DNAH14: variants seen among roughly 807,000 people sequenced by gnomAD.
DNAH14 encodes axonemal beta dynein heavy chain 14.
DNAH14 carries 478 observed loss-of-function variants against 520.9 expected under a neutral mutation model. That is an observed-to-expected ratio of 0.92 (90% confidence interval 0.85 to 0.99). The LOEUF is 0.99. Ranked by LOEUF, DNAH14 falls within the 50% of genes least tolerant of loss-of-function variation. The pLI is 0.00. For missense variants in DNAH14, 4,831 were observed against 5,234.5 expected (o/e 0.92, Z 2.38); for synonymous variants, 1,581 against 1,757.2 (o/e 0.90, Z 2.51).
intron 17 of DNAH14, among the ~76,000 whole-genome samples, chr1:225,066,356 C>G (rs902272768): frequency 1.3e-5 from 2 of 152,078 alleles, no homozygotes; most frequent in Admixed American, 1.3e-4. Context: ...CTATTCATCT[C>G]ATTTTGCTTT....
chr1:225,010,479 C>T (rs2147893088), intron 10 of DNAH14, among the ~76,000 whole-genome samples: 1 of 152,152 alleles, frequency 6.6e-6, no homozygotes, highest in African/African-American at 2.4e-5. Flanking sequence ...TTTTAATGTG[C>T]TGCTGGATTC....
intron 15 of DNAH14, among the ~76,000 whole-genome samples, chr1:225,047,373 G>T (rs757333527): frequency 6.6e-5 from 10 of 152,114 alleles, no homozygotes; most frequent in African/African-American, 9.7e-5. Flanking sequence ...TTCAATCAAT[G>T]ACAGACCACA....
chr1:225,175,944 CAGG>C, intron 36 of DNAH14, among the ~76,000 whole-genome samples: 1 of 152,080 alleles, frequency 6.6e-6, no homozygotes, highest in Non-Finnish European at 1.5e-5. Context: ...TTAGTAGAGA[CAGG>C]GCTTCACTAT....
chr1:225,384,381 G>A (rs1034094392), intron 81 of DNAH14, among the ~76,000 whole-genome samples: 1 of 151,978 alleles, frequency 6.6e-6, no homozygotes, highest in African/African-American at 2.4e-5. Context: ...TAAGAACAGA[G>A]CAGAACTGAA....
chr1:225,301,175 C>G (rs1482520108), intron 56 of DNAH14, 145 bp downstream of exon 56: 2 of 813,200 alleles, frequency 2.5e-6, no homozygotes, highest in Non-Finnish European at 3.7e-6. Flanking sequence ...ACCCTACCTA[C>G]AGACAACACC....
intron 17 of DNAH14, among the ~76,000 whole-genome samples, chr1:225,058,385 G>A (rs560944528): frequency 6.6e-6 from 1 of 152,008 alleles, no homozygotes; most frequent in Non-Finnish European, 1.5e-5. Context: ...TATCCCCTTT[G>A]TCATTTTTTA....
At chr1:225,156,054 A>G (rs1428694910) in intron 34 of DNAH14, among the ~76,000 whole-genome samples, 3 of 151,814 alleles carry the variant, frequency 2.0e-5, no homozygotes. Context: ...CTTTCCTTCT[A>G]TCCCACCCTA....
intron 11 of DNAH14, among the ~76,000 whole-genome samples, chr1:225,037,026 G>T (rs1165338194): frequency 6.6e-6 from 1 of 152,102 alleles, no homozygotes; most frequent in Admixed American, 6.5e-5. Flanking sequence ...TATGTTGTCT[G>T]ATGAAAGTAT....
intron 17 of DNAH14, among the ~76,000 whole-genome samples, chr1:225,058,151 A>G (rs1008415776): frequency 1.3e-5 from 2 of 152,160 alleles, no homozygotes; most frequent in Admixed American, 6.5e-5. Flanking sequence ...CTGTGAAACC[A>G]TCTGGTCCTG....
chr1:225,277,130 A>G (rs2093503777), intron 53 of DNAH14, among the ~76,000 whole-genome samples: 1 of 105,962 alleles, frequency 9.4e-6, no homozygotes, highest in Non-Finnish European at 1.9e-5. Context: ...GGGGACGGGG[A>G]AGGGGGAAGG....
intron 38 of DNAH14, among the ~76,000 whole-genome samples, chr1:225,203,055 G>A (rs1297174223): frequency 2.0e-5 from 3 of 152,166 alleles, no homozygotes; most frequent in African/African-American, 7.2e-5. Context: ...TATTTCGGCT[G>A]TCTCCCCAGT....
chr1:224,966,191 A>C (rs79984312), intron 5 of DNAH14, among the ~76,000 whole-genome samples: 11,198 of 152,104 alleles, frequency 0.074, 512 homozygotes, highest in Non-Finnish European at 0.097. Flanking sequence ...GTTTTTGAGG[A>C]TTTAATATTG....
chr1:225,335,132 TGCATGTGC>T (rs1051383085), intron 66 of DNAH14, among the ~76,000 whole-genome samples: 3 of 139,640 alleles, frequency 2.1e-5, no homozygotes, highest in African/African-American at 8.3e-5. Flanking sequence ...TGTACATATG[TGCATGTGC>T]ACATGTGTAC....
At position 225,326,290 on chromosome 1, in the gene DNAH14, C is replaced by T. The variant is rs185914500; in HGVS notation, c.9723+1458C>T. ...TAGGTCTGTCTAACTCTAAAGCCCACGCACTTAACAGGCTTTTAAACTGCT... is the reference window on the plus strand; with the variant it reads ...TAGGTCTGTCTAACTCTAAAGCCCATGCACTTAACAGGCTTTTAAACTGCT... On this transcript the variant is annotated intron_variant, in intron 64 of 85. Transcript: ENST00000682510. Among the ~76,000 whole-genome samples the T allele has an allele frequency of 2.6e-3, 393 of 152,294 alleles. 1 individual carries two copies. The highest frequency in any genetic ancestry group is 9.0e-3 in the African/African-American group (372 of 41,548).
At chr1:225,213,577 T>A (rs938563707) in intron 41 of DNAH14, among the ~76,000 whole-genome samples, 1 of 152,198 alleles carries the variant, frequency 6.6e-6, no homozygotes, top group African/African-American at 2.4e-5. Context: ...TCCTCTTTTA[T>A]TTCGTTGAGC....
At chr1:225,080,237 G>T in intron 18 of DNAH14, 142 bp from the exon 19 acceptor site, 1 of 861,040 alleles carries the variant, frequency 1.2e-6, no homozygotes, top group Non-Finnish European at 1.7e-6. Context: ...CTTTGTCTGG[G>T]CCAAATGGTA....
chr1:224,990,003 G>C (rs1280103349), intron 8 of DNAH14, among the ~76,000 whole-genome samples: 3 of 144,592 alleles, frequency 2.1e-5, no homozygotes, highest in African/African-American at 8.5e-5. Context: ...AGGAATGATG[G>C]TCTGTGTTGT....
rs946962942 is a variant in DNAH14, at chr1:225,118,006, T to C, written c.4091+7T>C. 2 of 1,516,158 alleles carry C rather than the reference T, an allele frequency of 1.3e-6. No homozygotes were observed. The highest frequency in any genetic ancestry group is 2.8e-5 in the African/African-American group (2 of 72,324). The allele number at this position is 1,516,158 out of a possible 1,614,324, so 93.9% of individuals were successfully genotyped here. On this transcript the variant is annotated splice_region_variant and intron_variant, in intron 25 of 85. Coordinates refer to ENST00000682510, the MANE Select transcript of DNAH14 (RefSeq NM_001367479.1). ...AAGGTCTCGTGCTGCCAAAGTATGA[T>C]AAATGTTACAAACTGTTTAGATTCT...
intron 36 of DNAH14, among the ~76,000 whole-genome samples, chr1:225,170,877 G>A (rs1009599844): frequency 1.3e-5 from 2 of 152,070 alleles, no homozygotes; most frequent in Non-Finnish European, 2.9e-5. Context: ...AAGTAAAGCA[G>A]TCCTCAGCAA....
Sources: gnomAD v4.1 joint callset for allele counts (sites outside exome capture counted in the v4.1 genomes callset) on GRCh38, gnomAD v4.1.1 for gene constraint, MANE v1.5 for transcripts, NCBI Gene and HGNC (gene_info 2026-07-23, HGNC 2026-07-21) for gene names.